Variants in RHCE observed in about 807,000 individuals in gnomAD.
RHCE encodes blood group Rh(CE) polypeptide.
Under a neutral mutation model 43.8 loss-of-function variants are expected in RHCE, and 22 were observed. The observed-to-expected ratio is 0.50, with a 90% CI of 0.36 to 0.72. The LOEUF (loss-of-function observed/expected upper bound fraction) is 0.72, where lower values mean the gene tolerates loss of function less well. Ranked by LOEUF, RHCE falls within the 30% of genes least tolerant of loss-of-function variation. The pLI is 0.00. For missense variants in RHCE, 385 were observed against 525.4 expected, an observed-to-expected ratio of 0.73 and a Z score of 2.61; for synonymous variants, 156 against 210.7, an observed-to-expected ratio of 0.74 and a Z score of 2.25.
intron 3 of RHCE, among the ~76,000 whole-genome samples, chr1:25,402,303 T>C (rs964525499): frequency 3.3e-5 from 5 of 152,044 alleles, no homozygotes; most frequent in Admixed American, 3.3e-4. Context: ...CATCTCTAAC[T>C]CCTGGGCTCA....
upstream of RHCE, among the ~76,000 whole-genome samples, chr1:25,423,138 C>A (rs912943659): frequency 2.6e-5 from 4 of 152,192 alleles, no homozygotes; most frequent in Non-Finnish European, 5.9e-5. Context: ...GAGGGTACCC[C>A]AATCCCCAGA....
chr1:25,426,512 G>A (rs548610669), intron 2 of RHCE, among the ~76,000 whole-genome samples: 1 of 152,342 alleles, frequency 6.6e-6, no homozygotes, highest in African/African-American at 2.4e-5. Flanking sequence ...CCTTAGGCAA[G>A]TGCCTTAACT....
At chr1:25,411,261 G>A in intron 1 of RHCE, 2 of 1,529,622 alleles carry the variant, frequency 1.3e-6, no homozygotes, top group Non-Finnish European at 1.8e-6. Context: ...TTAGTACAGT[G>A]CCTAGCACAT....
intron 7 of RHCE, chr1:25,385,450 G>T (rs1191098153): frequency 3.6e-6 from 2 of 548,720 alleles, no homozygotes; most frequent in East Asian, 7.8e-5. Context: ...CTCTGTGTTT[G>T]TGGGGTCACA....
chr1:25,393,976 T>C (rs1646461285), intron 3 of RHCE, among the ~76,000 whole-genome samples: 1 of 152,006 alleles, frequency 6.6e-6, no homozygotes, highest in Non-Finnish European at 1.5e-5. Context: ...TCTGTCTGCT[T>C]TTTATTTTTA....
intron 4 of RHCE, among the ~76,000 whole-genome samples, chr1:25,391,278 GGATTCAAA>G (rs1163856822): frequency 6.6e-6 from 1 of 152,074 alleles, no homozygotes; most frequent in African/African-American, 2.4e-5. Flanking sequence ...TCCACCACCT[GGATTCAAA>G]AGATTCTCCT....
intron 3 of RHCE, among the ~76,000 whole-genome samples, chr1:25,394,422 C>T (rs115887546): frequency 2.3e-4 from 35 of 152,198 alleles, no homozygotes; most frequent in African/African-American, 8.4e-4. Context: ...ACCTTCAGGT[C>T]TGTACTCAAA....
Position 25,420,695 on chromosome 1 carries a change from A to G in RHCE, c.92T>C (p.Phe31Ser), listed in dbSNP as rs764920898. ...EAALILLFYF[F>S]THYDASLEDQ... ...CTCTAAGGAAGCGTCATAGTGGGTA[A>G]AAAAATAGAAGAGGAGAATGAGAGC... Residue 31 changes from phenylalanine to serine, a missense_variant, in exon 1 of 10, where the codon TTT (phenylalanine) becomes TCT (serine). Physicochemically the swap from Phe to Ser is radical, Grantham distance 155 (BLOSUM62 -2). Around this residue, in one of 6 missense-constraint regions of RHCE, gnomAD observed 110 missense variants for 192.1 expected, o/e 0.57. Transcript: ENST00000294413. 1.2e-6 allele frequency: 2 copies of G among 1,613,506 alleles called. No individual in the cohort carries two copies. Among genetic ancestry groups the G allele is most frequent in the Non-Finnish European group, 1.7e-6 (2 of 1,179,782 alleles).
chr1:25,429,218 G>GA (rs2042829281), intron 1 of RHCE, among the ~76,000 whole-genome samples: 1 of 130,544 alleles, frequency 7.7e-6, no homozygotes, highest in Non-Finnish European at 1.6e-5. Flanking sequence ...TACTTCCTGG[G>GA]AAGTTTTTTT....
chr1:25,409,896 T>A (rs1175356376), intron 1 of RHCE, among the ~76,000 whole-genome samples: 2 of 140,134 alleles, frequency 1.4e-5, no homozygotes, highest in Admixed American at 7.1e-5. Context: ...AGAGCTAAGA[T>A]TTTTTTTTTT....
chr1:25,369,058 G>C (rs1645521536), intron 9 of RHCE, among the ~76,000 whole-genome samples: 1 of 151,764 alleles, frequency 6.6e-6, no homozygotes, highest in South Asian at 2.1e-4. Context: ...ACCATACCCA[G>C]CCTAAATATG....
At chr1:25,405,960 CT>C (rs1465396964) in intron 2 of RHCE, among the ~76,000 whole-genome samples, 3 of 122,940 alleles carry the variant, frequency 2.4e-5, no homozygotes, top group African/African-American at 5.0e-5. Context: ...GGGGTCACCC[CT>C]AGGGGGATCC....
rs2124396772 is a variant in RHCE at position 25,385,817 on chromosome 1, G to A, written c.967C>T (p.His323Tyr). 1 of 1,614,044 alleles carries A rather than the reference G, an allele frequency of 6.2e-7. No homozygotes were observed. Among genetic ancestry groups the A allele is most frequent in the Non-Finnish European group, 8.5e-7 (1 of 1,180,024 alleles). Reference sequence around the variant, plus strand: ...ATGGAGTGCATGACGGAGATGTGGTGAATCCCCAGCACTCGGTTACAACAC... The same window carrying A: ...ATGGAGTGCATGACGGAGATGTGGTAAATCCCCAGCACTCGGTTACAACAC... ...PVCCNRVLGI[H>Y]HISVMHSIFS... Residue 323 changes from histidine to tyrosine, a missense_variant, in exon 7 of 10, where the codon CAC becomes TAC. Physicochemically the swap from His to Tyr is moderately conservative, Grantham distance 83 (BLOSUM62 2). Around this residue, in one of 6 missense-constraint regions of RHCE, gnomAD observed 82 missense variants for 69.2 expected, o/e 1.18. Transcript: ENST00000294413.
At chr1:25,404,209 G>C (rs1376895652) in intron 2 of RHCE, among the ~76,000 whole-genome samples, 1 of 144,440 alleles carries the variant, frequency 6.9e-6, no homozygotes, top group Non-Finnish European at 1.5e-5. Context: ...CTGTAAAATC[G>C]TGCTAGCTCA....
Position 25,420,777 on chromosome 1 carries a change from T to C in RHCE, c.10A>G (p.Lys4Glu). Residue 4 changes from lysine to glutamate, a missense_variant, in exon 1 of 10, where the codon AAG becomes GAG. This residue lies in a region of RHCE where 110 missense variants were observed against 192.1 expected (regional missense o/e 0.57). Coordinates refer to ENST00000294413, the MANE Select transcript of RHCE (RefSeq NM_020485.8). ...CAGCGCCGGACAGACCGCGGGTACT[T>C]AGAGCTCATCCTGTGTCCGTCTCTG... MSS[K>E]YPRSVRRCLP... 1.2e-6 allele frequency: 2 copies of C among 1,608,662 alleles called. No homozygotes were observed. The highest frequency in any genetic ancestry group is 2.2e-5 in the East Asian group (1 of 44,828).
intron 3 of RHCE, among the ~76,000 whole-genome samples, chr1:25,401,086 C>G (rs1199086812): frequency 6.6e-6 from 1 of 152,122 alleles, no homozygotes; most frequent in Non-Finnish European, 1.5e-5. Context: ...CAGATCATAG[C>G]TCTCCTCTGC....
In RHCE at chr1:25,385,853, A is replaced by C; in HGVS notation, c.940-9T>G. 6.2e-7 allele frequency: 1 copy of C among 1,614,052 alleles called. No homozygotes were observed. Among genetic ancestry groups the C allele is most frequent in the Non-Finnish European group, 8.5e-7 (1 of 1,179,988 alleles). On this transcript the variant is annotated splice_polypyrimidine_tract_variant and intron_variant, in intron 6 of 9. Coordinates refer to ENST00000294413, the MANE Select transcript of RHCE (RefSeq NM_020485.8). Reference sequence around the variant, plus strand: ...ACTCGGTTACAACACACCTGTGGACAAGTGTTATTATAAGCAGATTGGCAG... The same window carrying C: ...ACTCGGTTACAACACACCTGTGGACCAGTGTTATTATAAGCAGATTGGCAG...
In RHCE at chr1:25,392,184, T is replaced by C. The variant is rs1646391816; in HGVS notation, c.487-43A>G. ...AAGAGCAGTGAGTGTCGGCATCCTC[T>C]GCCCAGGGGAAAGCCCTGATGGTCC... On this transcript the variant is annotated intron_variant, in intron 3 of 9. Coordinates refer to ENST00000294413, the MANE Select transcript of RHCE (RefSeq NM_020485.8). 6 of 1,613,890 alleles carry C rather than the reference T, an allele frequency of 3.7e-6. No homozygotes were observed. In the East Asian group the frequency reaches 1.3e-4, roughly 36 times the overall value.
intron 2 of RHCE, among the ~76,000 whole-genome samples, chr1:25,403,514 T>C (rs1050795861): frequency 6.6e-6 from 1 of 152,098 alleles, no homozygotes; most frequent in African/African-American, 2.4e-5. Context: ...GAAAATTATT[T>C]TGGTCTTGAA....
Sources: gnomAD v4.1 joint callset for allele counts (sites outside exome capture counted in the v4.1 genomes callset) on GRCh38, gnomAD v4.1.1 for gene constraint, gnomAD v4.1.1 regional missense constraint, MANE v1.5 for transcripts, NCBI Gene and HGNC (gene_info 2026-07-23, HGNC 2026-07-21) for gene names.